FTO: variants seen among roughly 807,000 people sequenced by gnomAD.
FTO encodes FTO alpha-ketoglutarate dependent dioxygenase.
FTO carries 47 observed loss-of-function variants against 63.9 expected under a neutral mutation model. That is an observed-to-expected ratio of 0.74 (90% CI 0.58 to 0.94). The LOEUF (loss-of-function observed/expected upper bound fraction) is 0.94. Among genes scored for constraint, FTO ranks in the 40% least tolerant of loss-of-function variants. FTO has a pLI of 0.00. For missense variants in FTO, 562 were observed against 618.1 expected (o/e 0.91, Z 0.96); for synonymous variants, 207 against 224.4 (o/e 0.92, Z 0.69).
intron 1 of FTO, among the ~76,000 whole-genome samples, chr16:53,722,643 A>G (rs916867354): frequency 6.6e-6 from 1 of 152,108 alleles, no homozygotes; most frequent in Non-Finnish European, 1.5e-5. Flanking sequence ...CCTGGCCAAC[A>G]TGGTGAAACC....
rs540405591 is a variant in FTO at position 53,767,804 on chromosome 16, G to A, written c.46-42336G>A. Among the ~76,000 whole-genome samples, 98 of 152,122 alleles carry A rather than the reference G, an allele frequency of 6.4e-4. 1 individual carries two copies. Among genetic ancestry groups the A allele is most frequent in the Non-Finnish European group, 5.0e-4 (34 of 67,988 alleles). On this transcript the variant is annotated intron_variant, in intron 1 of 8. Coordinates refer to ENST00000471389, the MANE Select transcript of FTO (RefSeq NM_001080432.3). ...ACAATCAAGGAATATATTATTCACC[G>A]GCCTGAAGTATAGAAAGAGTTCCCA...
At chr16:54,055,929 A>G (rs1599286414) in intron 8 of FTO, among the ~76,000 whole-genome samples, 1 of 152,192 alleles carries the variant, frequency 6.6e-6, no homozygotes, top group African/African-American at 2.4e-5. Flanking sequence ...CAAAGTTATT[A>G]TTGTTCAATT....
chr16:53,969,988 A>C (rs80006777), intron 8 of FTO, among the ~76,000 whole-genome samples: 1,586 of 152,254 alleles, frequency 0.01, 37 homozygotes, highest in African/African-American at 0.036. Context: ...AGAAAAGAGG[A>C]AAAGAGTGCA....
Position 54,010,722 on chromosome 16 carries a change from C to T in FTO, c.1364+76613C>T, listed in dbSNP as rs559556350. On this transcript the variant is annotated intron_variant, in intron 8 of 8. Transcript: ENST00000471389. ...ACTTAATTCCTAGGTGTGTTTGGTA[C>T]GGAAACAAAGATAACCCTGTTCAAC... is the stretch of plus-strand genomic sequence containing the variant. Among the ~76,000 whole-genome samples, 17 of 152,210 alleles carry T rather than the reference C, an allele frequency of 1.1e-4. 1 individual carries two copies. Among genetic ancestry groups the T allele is most frequent in the African/African-American group, 3.1e-4 (13 of 41,520 alleles).
intron 8 of FTO, among the ~76,000 whole-genome samples, chr16:54,073,510 C>T (rs541824272): frequency 1.4e-4 from 22 of 151,932 alleles, no homozygotes; most frequent in Non-Finnish European, 2.8e-4. Flanking sequence ...TTAAAATAGT[C>T]CCCGAGAAAG....
chr16:53,802,381 TC>T (rs1045048549), intron 1 of FTO, among the ~76,000 whole-genome samples: 1 of 152,202 alleles, frequency 6.6e-6, no homozygotes, highest in African/African-American at 2.4e-5. Flanking sequence ...ATTTTTTTTT[TC>T]AGCAATATTT....
chr16:53,876,067 T>G (rs2080641981), intron 5 of FTO, among the ~76,000 whole-genome samples: 1 of 152,210 alleles, frequency 6.6e-6, no homozygotes, highest in South Asian at 2.1e-4. Flanking sequence ...AATTTACATT[T>G]TATGAATAAT....
chr16:53,729,479 C>T (rs908292838), intron 1 of FTO, among the ~76,000 whole-genome samples: 4 of 133,256 alleles, frequency 3.0e-5, no homozygotes, highest in African/African-American at 8.5e-5. Context: ...CTCCAGCCTG[C>T]GTGACAGACT....
chr16:54,102,465 A>C (rs908797637), intron 8 of FTO, among the ~76,000 whole-genome samples: 2 of 152,200 alleles, frequency 1.3e-5, no homozygotes, highest in Admixed American at 6.5e-5. Context: ...AATCCCAGCT[A>C]TGTAAGAGGC....
At chr16:54,056,048 T>C (rs1395019119) in intron 8 of FTO, among the ~76,000 whole-genome samples, 5 of 152,220 alleles carry the variant, frequency 3.3e-5, no homozygotes, top group Non-Finnish European at 7.3e-5. Flanking sequence ...TCACTTACAA[T>C]AGAGCACTGT....
intron 8 of FTO, among the ~76,000 whole-genome samples, chr16:54,037,554 G>C (rs1412059336): frequency 1.3e-5 from 2 of 152,220 alleles, no homozygotes; most frequent in Non-Finnish European, 2.9e-5. Context: ...AGAGCATCTA[G>C]TGTATCTTTT....
chr16:54,066,448 A>G (rs375735824), intron 8 of FTO, among the ~76,000 whole-genome samples: 2 of 152,358 alleles, frequency 1.3e-5, no homozygotes, highest in South Asian at 2.1e-4. Flanking sequence ...TGAAGTCTCT[A>G]TATAGCTTTG....
intron 8 of FTO, chr16:53,992,873 A>T (rs1011938283): frequency 2.0e-5 from 3 of 152,220 alleles, no homozygotes; most frequent in African/African-American, 4.8e-5. Context: ...TCAAGACTGG[A>T]ATCTACTCCA....
At chr16:53,960,753 G>A (rs976591749) in intron 8 of FTO, among the ~76,000 whole-genome samples, 1 of 152,014 alleles carries the variant, frequency 6.6e-6, no homozygotes, top group African/African-American at 2.4e-5. Context: ...AAACCAAAGG[G>A]CCCAATTGTG....
intron 2 of FTO, among the ~76,000 whole-genome samples, chr16:53,816,251 C>T (rs987551673): frequency 7.9e-5 from 12 of 152,282 alleles, no homozygotes; most frequent in East Asian, 3.9e-4. Context: ...CTTCTTACAC[C>T]GTGGCCAAAA....
intron 7 of FTO, among the ~76,000 whole-genome samples, chr16:53,891,952 C>G (rs2151911312): frequency 6.6e-6 from 1 of 152,242 alleles, no homozygotes; most frequent in Middle Eastern, 3.4e-3. Flanking sequence ...CAGTGTCTCT[C>G]CTCAGCGTGT....
At chr16:53,971,767 C>T (rs1355972784) in intron 8 of FTO, among the ~76,000 whole-genome samples, 5 of 152,200 alleles carry the variant, frequency 3.3e-5, no homozygotes, top group South Asian at 2.1e-4. Context: ...ATCCCCTTCC[C>T]GAAGAGGGGC....
At chr16:54,039,413 A>C (rs897018180) in intron 8 of FTO, 16 of 152,246 alleles carry the variant, frequency 1.1e-4, no homozygotes, top group African/African-American at 3.4e-4. Flanking sequence ...ATAGAGATCA[A>C]GAAGGAAACA....
At chr16:54,035,259 A>G (rs1266823949) in intron 8 of FTO, among the ~76,000 whole-genome samples, 1 of 152,246 alleles carries the variant, frequency 6.6e-6, no homozygotes, top group Non-Finnish European at 1.5e-5. Context: ...GTTTTTTCCA[A>G]GATCATTCAC....
Sources: gnomAD v4.1 joint callset for allele counts (sites outside exome capture counted in the v4.1 genomes callset) on GRCh38, gnomAD v4.1.1 for gene constraint, MANE v1.5 for transcripts, NCBI Gene and HGNC (gene_info 2026-07-23, HGNC 2026-07-21) for gene names.